Variants in MAGI2 observed in about 807,000 individuals in gnomAD.
MAGI2 encodes the protein membrane associated guanylate kinase, WW and PDZ domain containing 2, also known as membrane-associated guanylate kinase, WW and PDZ domain-containing protein 2.
Under a neutral mutation model 133.3 loss-of-function variants are expected in MAGI2, and 35 were observed. The observed-to-expected ratio is 0.26, with a 90% CI of 0.20 to 0.35. The LOEUF is 0.35. MAGI2 is among the 10% of genes least tolerant of loss of function. MAGI2 has a pLI of 1.00. For synonymous variants in MAGI2, 729 were observed against 710.6 expected (o/e 1.03, Z -0.41); for missense variants, 1,636 against 1,863.4 (o/e 0.88, Z 2.25).
intron 7 of MAGI2, among the ~76,000 whole-genome samples, chr7:78,358,011 A>G (rs1354721956): frequency 6.6e-6 from 1 of 150,838 alleles, no homozygotes; most frequent in Non-Finnish European, 1.5e-5. Flanking sequence ...GTTAAAAAAA[A>G]GAAAAACAGG....
chr7:78,966,174 A>T (rs1803288371), intron 2 of MAGI2, among the ~76,000 whole-genome samples: 1 of 152,084 alleles, frequency 6.6e-6, no homozygotes, highest in South Asian at 2.1e-4. Flanking sequence ...TAATTCTTTA[A>T]AATTGTGGTA....
At chr7:78,358,362 A>C (rs1298426384) in intron 7 of MAGI2, 1 of 151,916 alleles carries the variant, frequency 6.6e-6, no homozygotes, top group African/African-American at 2.4e-5. Context: ...ATCTTGGCCA[A>C]GTGGGTTCTG....
intron 21 of MAGI2, among the ~76,000 whole-genome samples, chr7:78,048,078 G>A (rs1811619152): frequency 6.6e-6 from 1 of 152,164 alleles, no homozygotes; most frequent in Non-Finnish European, 1.5e-5. Context: ...TCCTAACAGT[G>A]CCAAAGTAAG....
intron 7 of MAGI2, among the ~76,000 whole-genome samples, chr7:78,363,520 AAT>A (rs1793067008): frequency 6.7e-6 from 1 of 150,146 alleles, no homozygotes; most frequent in Non-Finnish European, 1.5e-5. Context: ...TGATAATAAT[AAT>A]AATAATAATA....
intron 20 of MAGI2, among the ~76,000 whole-genome samples, chr7:78,102,797 G>A (rs1818315926): frequency 6.6e-6 from 1 of 152,202 alleles, no homozygotes; most frequent in Non-Finnish European, 1.5e-5. Context: ...TTTTACTTGA[G>A]AAAGGCAATA....
chr7:78,375,854 A>C (rs1240806618), intron 6 of MAGI2, among the ~76,000 whole-genome samples: 1 of 152,122 alleles, frequency 6.6e-6, no homozygotes, highest in Non-Finnish European at 1.5e-5. Context: ...AGGAATCCTT[A>C]ATATAAGTGA....
chr7:78,575,828 A>C (rs1802211774), intron 3 of MAGI2, among the ~76,000 whole-genome samples: 1 of 152,208 alleles, frequency 6.6e-6, no homozygotes, highest in South Asian at 2.1e-4. Flanking sequence ...TCTAAGGGAC[A>C]TAATAATTAT....
At chr7:79,070,999 T>C (rs764037423) in intron 1 of MAGI2, among the ~76,000 whole-genome samples, 3 of 152,158 alleles carry the variant, frequency 2.0e-5, no homozygotes, top group Non-Finnish European at 4.4e-5. Flanking sequence ...GGCGAGGAGT[T>C]GTGATCCTTC....
At chr7:78,166,170 T>G (rs1481406073) in intron 15 of MAGI2, among the ~76,000 whole-genome samples, 1 of 152,222 alleles carries the variant, frequency 6.6e-6, no homozygotes, top group Non-Finnish European at 1.5e-5. Context: ...TTTGCAGCAT[T>G]TGGTACACAC....
intron 6 of MAGI2, chr7:78,487,178 A>G (rs1793116731): frequency 5.3e-6 from 1 of 187,892 alleles, no homozygotes; most frequent in Non-Finnish European, 1.0e-5. Flanking sequence ...GATGGGGAAA[A>G]AAAAAAAAAA....
chr7:78,734,598 A>G (rs535817299), intron 2 of MAGI2, among the ~76,000 whole-genome samples: 1 of 152,320 alleles, frequency 6.6e-6, no homozygotes, highest in South Asian at 2.1e-4. Context: ...CCCGCTTCAG[A>G]CAACAGGACA....
At chr7:79,080,855 A>G (rs1156504410) in intron 1 of MAGI2, among the ~76,000 whole-genome samples, 1 of 151,948 alleles carries the variant, frequency 6.6e-6, no homozygotes, top group Non-Finnish European at 1.5e-5. Context: ...GTCATCTCCT[A>G]TTTGGTCTCT....
At chr7:78,167,818 A>C in intron 15 of MAGI2, 98 bp downstream of exon 15, 1 of 1,099,976 alleles carries the variant, frequency 9.1e-7, no homozygotes, top group South Asian at 1.8e-5. Flanking sequence ...ATAATGTAGA[A>C]ATGGATTTAA....
rs774873083 is a variant in MAGI2, at chr7:78,521,671, G to A, written c.539-26C>T. ...CTGCAAACAATACCAAAACATTCTT[G>A]GAGTTAAATATTTCTTCTACCATGT... On this transcript the variant is annotated intron_variant, in intron 3 of 21. Transcript: ENST00000354212. The A allele has an allele frequency of 3.2e-6, 5 of 1,585,496 alleles. No homozygotes were observed. In the South Asian group the frequency reaches 5.5e-5, roughly 18 times the overall value.
intron 1 of MAGI2, among the ~76,000 whole-genome samples, chr7:79,127,214 G>A (rs1300546135): frequency 6.6e-6 from 1 of 152,052 alleles, no homozygotes; most frequent in Admixed American, 6.6e-5. Context: ...TGGACATTTG[G>A]CTCATTTTCA....
intron 3 of MAGI2, among the ~76,000 whole-genome samples, chr7:78,595,920 G>A (rs1804541815): frequency 1.3e-5 from 2 of 152,082 alleles, no homozygotes; most frequent in South Asian, 4.1e-4. Context: ...TATAACACCA[G>A]AATGTCTTTG....
In MAGI2 at chr7:78,549,817, G is replaced by T. The variant is rs560545591; in HGVS notation, c.539-28172C>A. 5.9e-5 allele frequency among the ~76,000 whole-genome samples: 9 copies of T among 152,216 alleles called. No individual in the cohort carries two copies. In the East Asian group the frequency reaches 1.7e-3, roughly 29 times the overall value. On this transcript the variant is annotated intron_variant, in intron 3 of 21. Transcript: ENST00000354212. ...TTGGACATTAAATCCTTTAATAAGG[G>T]CCTATTTGTGTGTTTGTTACCATGA...
chr7:78,992,938 T>C (rs1310237689), intron 2 of MAGI2, among the ~76,000 whole-genome samples: 1 of 152,122 alleles, frequency 6.6e-6, no homozygotes, highest in Non-Finnish European at 1.5e-5. Context: ...ATTCTTTTTC[T>C]TGCTCCAAAT....
chr7:78,560,183 T>C (rs976999533), intron 3 of MAGI2, among the ~76,000 whole-genome samples: 4 of 152,332 alleles, frequency 2.6e-5, no homozygotes, highest in Middle Eastern at 3.4e-3. Context: ...ACATTAATAA[T>C]TGAACTTGAG....
Sources: gnomAD v4.1 joint callset for allele counts (sites outside exome capture counted in the v4.1 genomes callset) on GRCh38, gnomAD v4.1.1 for gene constraint, MANE v1.5 for transcripts, NCBI Gene and HGNC (gene_info 2026-07-23, HGNC 2026-07-21) for gene names.